The following PHLPP2 variants were observed in gnomAD, a reference collection of about 807,000 sequenced individuals.
PHLPP2 encodes the protein PH domain leucine-rich repeat-containing protein phosphatase 2.
In PHLPP2, 66 loss-of-function variants were observed where a neutral mutation model predicts 124.9. The ratio of observed to expected loss-of-function variants is 0.53; its 90% CI spans 0.43 to 0.65. The LOEUF (loss-of-function observed/expected upper bound fraction) is 0.65, where lower values mean the gene tolerates loss of function less well. PHLPP2 is among the 30% of genes least tolerant of loss of function. The pLI is 0.00. For synonymous variants in PHLPP2, 681 were observed against 624.7 expected, an observed-to-expected ratio of 1.09 and a Z score of -1.34; for missense variants, 1,685 against 1,600.4, an observed-to-expected ratio of 1.05 and a Z score of -0.90.
chr16:71,714,374 A>G (rs1009344248), intron 2 of PHLPP2, 138 bp downstream of exon 2: 3 of 1,151,532 alleles, frequency 2.6e-6, no homozygotes, highest in Non-Finnish European at 2.3e-6. Flanking sequence ...CAGCCTTCCA[A>G]GGACAAATCT....
chr16:71,680,160 T>C (rs1305933169), intron 6 of PHLPP2, among the ~76,000 whole-genome samples: 1 of 152,232 alleles, frequency 6.6e-6, no homozygotes, highest in Non-Finnish European at 1.5e-5. Context: ...TTCTTCATAC[T>C]TGATATGCTT....
chr16:71,697,506 A>G (rs973805076), intron 3 of PHLPP2, among the ~76,000 whole-genome samples: 4 of 152,168 alleles, frequency 2.6e-5, no homozygotes, highest in Non-Finnish European at 5.9e-5. Flanking sequence ...ATTTTGATAA[A>G]CAATAGTATT....
At chr16:71,689,179 T>C (rs887523032) in intron 4 of PHLPP2, among the ~76,000 whole-genome samples, 9 of 152,114 alleles carry the variant, frequency 5.9e-5, no homozygotes, top group Admixed American at 2.0e-4. Flanking sequence ...GTTTCTATTC[T>C]GTATTTGTAA....
At chr16:71,682,011 G>GC in intron 5 of PHLPP2, 106 bp from the exon 6 acceptor site, 1 of 659,644 alleles carries the variant, frequency 1.5e-6, no homozygotes, top group Non-Finnish European at 2.1e-6. Context: ...TAAAAAGATA[G>GC]GAAAAAAAAG....
intron 6 of PHLPP2, among the ~76,000 whole-genome samples, chr16:71,679,879 G>A (rs999053024): frequency 2.6e-5 from 4 of 152,122 alleles, no homozygotes; most frequent in African/African-American, 4.8e-5. Context: ...TTAGGAGATC[G>A]AGACCATTCT....
chr16:71,669,309 C>T lies in PHLPP2; in HGVS notation c.1594G>A (p.Val532Met). ...CEAKKIEVLD[V>M]SYNLLTEVPV... ...ACCTCTGTGAGAAGATTATAGCTCA[C>T]ATCTAATACTTCTATCTTCTTTGCT... Residue 532 changes from valine (V) to methionine (M), a missense_variant, in exon 11 of 19, where the codon GTG becomes ATG. By Grantham distance (21) the Val-to-Met change is conservative. Coordinates refer to ENST00000568954, the MANE Select transcript of PHLPP2 (RefSeq NM_015020.3). 5 of 1,612,548 alleles carry T rather than the reference C, an allele frequency of 3.1e-6. No homozygotes were observed. Among genetic ancestry groups the T allele is most frequent in the Non-Finnish European group, 4.2e-6 (5 of 1,179,468 alleles).
At chr16:71,707,980 G>C (rs967792690) in intron 2 of PHLPP2, among the ~76,000 whole-genome samples, 1 of 152,146 alleles carries the variant, frequency 6.6e-6, no homozygotes, top group South Asian at 2.1e-4. Flanking sequence ...AAAATCGGCA[G>C]GGCACAGTGG....
Position 71,646,481 on chromosome 16 carries a change from G to A in PHLPP2, c.*2409C>T, listed in dbSNP as rs1427952282. 6.6e-6 allele frequency: 1 copy of A among 152,168 alleles called. No individual in the cohort carries two copies. The highest frequency in any genetic ancestry group is 2.4e-5 in the African/African-American group (1 of 41,446). 9.4% of individuals were successfully genotyped at this position (152,168 alleles called of 1,614,324 possible). Reference sequence around the variant, plus strand: ...TAAGGTCATTTCAGAACTGGGTTTTGAGGTGGTTCCAATAAGTAGGTTGGG... The same window carrying A: ...TAAGGTCATTTCAGAACTGGGTTTTAAGGTGGTTCCAATAAGTAGGTTGGG... On this transcript the variant is annotated 3_prime_UTR_variant, in exon 19 of 19. Coordinates refer to ENST00000568954, the MANE Select transcript of PHLPP2 (RefSeq NM_015020.3).
chr16:71,679,761 AC>A (rs2086987885), intron 6 of PHLPP2, among the ~76,000 whole-genome samples: 1 of 152,228 alleles, frequency 6.6e-6, no homozygotes, highest in African/African-American at 2.4e-5. Context: ...GTCTAGCATT[AC>A]AGGAGCTCTC....
chr16:71,658,914 G>A (rs971791319), intron 13 of PHLPP2, 99 bp from the exon 14 acceptor site: 6 of 995,962 alleles, frequency 6.0e-6, no homozygotes, highest in South Asian at 1.5e-5. Context: ...AGGCCGACAC[G>A]GTCCACTGCC....
At chr16:71,723,324 G>A (rs2045410119) in intron 1 of PHLPP2, 1 of 152,312 alleles carries the variant, frequency 6.6e-6, no homozygotes, top group Non-Finnish European at 1.5e-5. Flanking sequence ...CTGGGGTGAT[G>A]TCTTCAGGTG....
chr16:71,667,428 TA>T (rs1157963552), intron 11 of PHLPP2, 95 bp from the exon 12 acceptor site: 2 of 901,664 alleles, frequency 2.2e-6, no homozygotes, highest in Non-Finnish European at 3.4e-6. Context: ...TTAGTTAACT[TA>T]TAGAAACATA....
At chr16:71,700,622 T>C (rs2045223395) in intron 3 of PHLPP2, among the ~76,000 whole-genome samples, 1 of 149,448 alleles carries the variant, frequency 6.7e-6, no homozygotes, top group Non-Finnish European at 1.5e-5. Context: ...ACCTCCCAGG[T>C]TGACGCCATT....
rs542611978 is a variant in PHLPP2, at chr16:71,683,330, A to G, written c.735+1146T>C. Among the ~76,000 whole-genome samples, 6 of 152,338 alleles carry G rather than the reference A, an allele frequency of 3.9e-5. No homozygotes were observed. In the South Asian group the frequency reaches 1.2e-3, roughly 32 times the overall value. On this transcript the variant is annotated intron_variant, in intron 5 of 18. Transcript: ENST00000568954. ...TTTCAAAGGCTAAAGTGCAGAAATTATGTTGAAAGACTAATTATCCTTGGC... is the reference window on the plus strand; with the variant it reads ...TTTCAAAGGCTAAAGTGCAGAAATTGTGTTGAAAGACTAATTATCCTTGGC...
chr16:71,719,964 ATTTTTTT>A (rs756642820), intron 1 of PHLPP2, among the ~76,000 whole-genome samples: 16 of 53,250 alleles, frequency 3.0e-4, no homozygotes, highest in Middle Eastern at 0.016. Flanking sequence ...TGCCCAGCTA[ATTTTTTT>A]TTTTTTTTTT....
intron 16 of PHLPP2, 134 bp downstream of exon 16, chr16:71,656,437 T>C: frequency 1.7e-6 from 1 of 592,942 alleles, no homozygotes; most frequent in Non-Finnish European, 3.0e-6. Context: ...AGGGATCTTA[T>C]CTGACGCTGA....
intron 9 of PHLPP2, among the ~76,000 whole-genome samples, chr16:71,676,131 A>T (rs1192564612): frequency 1.3e-5 from 2 of 152,138 alleles, no homozygotes; most frequent in African/African-American, 4.8e-5. Flanking sequence ...GTCCTGGGGT[A>T]TAGTTTGCCA....
Position 71,662,817 on chromosome 16 carries a change from G to A in PHLPP2, c.1985+1082C>T, listed in dbSNP as rs554957583. ...GTAGGAGAATCACTTCAGCCCAGGA[G>A]TTTGAGACCAGCCTGGCCAACGTAA... On this transcript the variant is annotated intron_variant, in intron 13 of 18. Coordinates refer to ENST00000568954, the MANE Select transcript of PHLPP2 (RefSeq NM_015020.3). Among the ~76,000 whole-genome samples the A allele has an allele frequency of 2.8e-4, 43 of 151,368 alleles. 1 individual carries two copies. Among genetic ancestry groups the A allele is most frequent in the African/African-American group, 9.9e-4 (41 of 41,230 alleles).
intron 9 of PHLPP2, among the ~76,000 whole-genome samples, chr16:71,673,439 C>T (rs899535054): frequency 6.6e-6 from 1 of 152,146 alleles, no homozygotes; most frequent in African/African-American, 2.4e-5. Context: ...AGTGCTTTCC[C>T]TATATTAACT....
Sources: gnomAD v4.1 joint callset for allele counts (sites outside exome capture counted in the v4.1 genomes callset) on GRCh38, gnomAD v4.1.1 for gene constraint, MANE v1.5 for transcripts, NCBI Gene and HGNC (gene_info 2026-07-23, HGNC 2026-07-21) for gene names.